ALK: variants seen among roughly 807,000 people sequenced by gnomAD.
ALK encodes the protein ALK receptor tyrosine kinase.
In ALK, 74 loss-of-function variants were observed where a neutral mutation model predicts 163.1. The observed-to-expected ratio is 0.45, with a 90% CI of 0.38 to 0.55. The LOEUF (loss-of-function observed/expected upper bound fraction) is 0.55, where lower values mean the gene tolerates loss of function less well. ALK is among the 20% of genes least tolerant of loss of function. The pLI, the probability that ALK is intolerant of heterozygous loss-of-function variation, is 0.00. For missense variants in ALK, 2,063 were observed against 2,105.3 expected (o/e 0.98, Z 0.39); for synonymous variants, 960 against 843.2 (o/e 1.14, Z -2.40).
intron 23 of ALK, among the ~76,000 whole-genome samples, chr2:29,218,615 T>G (rs1261962174): frequency 6.6e-6 from 1 of 152,216 alleles, no homozygotes; most frequent in Non-Finnish European, 1.5e-5. Context: ...TCCTCACTCC[T>G]GCCATCTCCT....
chr2:29,889,752 AG>A, intron 1 of ALK, among the ~76,000 whole-genome samples: 1 of 108,068 alleles, frequency 9.3e-6, no homozygotes, highest in East Asian at 2.5e-4. Context: ...AGAGAGAGAG[AG>A]AGAGAGAAAC....
At chr2:29,880,153 A>T (rs1463093524) in intron 1 of ALK, among the ~76,000 whole-genome samples, 1 of 152,196 alleles carries the variant, frequency 6.6e-6, no homozygotes, top group African/African-American at 2.4e-5. Flanking sequence ...ATTAATGACA[A>T]GGCCACTTTA....
chr2:29,442,811 T>C (rs771524805), intron 4 of ALK, among the ~76,000 whole-genome samples: 1 of 152,204 alleles, frequency 6.6e-6, no homozygotes, highest in Non-Finnish European at 1.5e-5. Context: ...ACAAGCCCCT[T>C]AAGTTTCTGG....
At chr2:29,510,039 G>C (rs1672466724) in intron 4 of ALK, among the ~76,000 whole-genome samples, 1 of 152,190 alleles carries the variant, frequency 6.6e-6, no homozygotes, top group African/African-American at 2.4e-5. Flanking sequence ...CTTGACACTG[G>C]GTTTGGGCCA....
At chr2:29,678,372 T>C (rs536835192) in intron 3 of ALK, among the ~76,000 whole-genome samples, 2 of 151,972 alleles carry the variant, frequency 1.3e-5, no homozygotes, top group East Asian at 3.9e-4. Flanking sequence ...TCTAATTTCT[T>C]AAAATAAAAA....
chr2:29,250,107 C>A (rs796482166), intron 12 of ALK, among the ~76,000 whole-genome samples: 2 of 152,278 alleles, frequency 1.3e-5, no homozygotes, highest in African/African-American at 4.8e-5. Flanking sequence ...GAGGCGAGCT[C>A]ATTTCCTATT....
At chr2:29,536,501 C>G (rs546603731) in intron 3 of ALK, among the ~76,000 whole-genome samples, 30 of 152,234 alleles carry the variant, frequency 2.0e-4, no homozygotes, top group African/African-American at 7.2e-4. Flanking sequence ...GAACCATGAG[C>G]CAATTAAATC....
intron 3 of ALK, among the ~76,000 whole-genome samples, chr2:29,601,564 A>AT (rs1311718968): frequency 9.9e-5 from 15 of 151,950 alleles, no homozygotes; most frequent in African/African-American, 3.4e-4. Context: ...GTACCAGTGG[A>AT]TTTTTTCTTC....
At chr2:29,836,869 G>A (rs1277958216) in intron 1 of ALK, among the ~76,000 whole-genome samples, 1 of 152,190 alleles carries the variant, frequency 6.6e-6, no homozygotes, top group Non-Finnish European at 1.5e-5. Flanking sequence ...TGAACTGACA[G>A]CATTACTTTA....
At chr2:29,627,880 T>C (rs1313990396) in intron 3 of ALK, among the ~76,000 whole-genome samples, 1 of 152,104 alleles carries the variant, frequency 6.6e-6, no homozygotes, top group Non-Finnish European at 1.5e-5. Context: ...CCATTCTCAA[T>C]GGCACTGCAA....
chr2:29,549,890 G>A (rs1302204475), intron 3 of ALK, among the ~76,000 whole-genome samples: 1 of 152,112 alleles, frequency 6.6e-6, no homozygotes, highest in Non-Finnish European at 1.5e-5. Context: ...GTGGTTTCTA[G>A]AAAATCCAAA....
chr2:29,280,066 G>A (rs949785229), intron 9 of ALK, among the ~76,000 whole-genome samples: 2 of 152,044 alleles, frequency 1.3e-5, no homozygotes, highest in Non-Finnish European at 1.5e-5. Context: ...ACACACTCTG[G>A]GACTGAGCAA....
intron 4 of ALK, among the ~76,000 whole-genome samples, chr2:29,431,214 G>C (rs1670264656): frequency 6.6e-6 from 1 of 152,112 alleles, no homozygotes; most frequent in African/African-American, 2.4e-5. Flanking sequence ...AGGGACCTAG[G>C]AGGTTTGAAA....
At chr2:29,200,308 A>G (rs1027920513) in intron 26 of ALK, among the ~76,000 whole-genome samples, 3 of 152,212 alleles carry the variant, frequency 2.0e-5, no homozygotes, top group African/African-American at 7.2e-5. Context: ...GATATAGGTT[A>G]TAGCATCCTT....
chr2:29,788,820 A>G (rs1664111383), intron 1 of ALK, among the ~76,000 whole-genome samples: 1 of 152,154 alleles, frequency 6.6e-6, no homozygotes, highest in Non-Finnish European at 1.5e-5. Flanking sequence ...ACAGCCTAAG[A>G]AGTAACCTTG....
chr2:29,587,301 C>A (rs1674915620), intron 3 of ALK, among the ~76,000 whole-genome samples: 1 of 152,202 alleles, frequency 6.6e-6, no homozygotes, highest in Non-Finnish European at 1.5e-5. Flanking sequence ...CAGTCCTGAT[C>A]TCCCATACAA....
chr2:29,893,976 G>C (rs533714442), intron 1 of ALK, among the ~76,000 whole-genome samples: 5 of 152,138 alleles, frequency 3.3e-5, no homozygotes, highest in Non-Finnish European at 5.9e-5. Context: ...CCTTAGCAGA[G>C]TGCTTGGCAC....
chr2:29,896,053 G>A (rs1417929271), intron 1 of ALK, among the ~76,000 whole-genome samples: 2 of 152,180 alleles, frequency 1.3e-5, no homozygotes, highest in Admixed American at 6.5e-5. Context: ...CAATGGGAGA[G>A]TAGGTATGGT....
At chr2:29,609,362 A>G (rs553550624) in intron 3 of ALK, among the ~76,000 whole-genome samples, 14 of 152,062 alleles carry the variant, frequency 9.2e-5, no homozygotes, top group Non-Finnish European at 1.8e-4. Flanking sequence ...AGAAGATTTC[A>G]TTATGTGATA....
Sources: allele counts gnomAD v4.1 joint callset (sites outside exome capture counted in the v4.1 genomes callset), GRCh38; gene constraint gnomAD v4.1.1; transcripts MANE v1.5; gene names NCBI Gene and HGNC (gene_info 2026-07-23, HGNC 2026-07-21).